PDE4D: variants seen among roughly 807,000 people sequenced by gnomAD.
PDE4D encodes the protein phosphodiesterase 4D.
A neutral mutation model predicts 87.4 loss-of-function variants in PDE4D; 24 were observed. The observed-to-expected ratio is 0.27, with a 90% CI of 0.20 to 0.39. PDE4D has a LOEUF of 0.39. PDE4D is among the 10% of genes least tolerant of loss of function. The pLI is 1.00. For missense variants in PDE4D, 714 were observed against 1,041.0 expected, an observed-to-expected ratio of 0.69 and a Z score of 4.32; for synonymous variants, 384 against 383.2, an observed-to-expected ratio of 1.00 and a Z score of -0.02.
At chr5:59,363,987 A>G (rs1451043834) in intron 1 of PDE4D, among the ~76,000 whole-genome samples, 1 of 152,222 alleles carries the variant, frequency 6.6e-6, no homozygotes, top group Non-Finnish European at 1.5e-5. Context: ...TAGGAGAAAA[A>G]TCACAACACT....
intron 5 of PDE4D, among the ~76,000 whole-genome samples, chr5:59,169,028 T>C (rs1003220401): frequency 2.0e-5 from 3 of 152,190 alleles, no homozygotes; most frequent in Non-Finnish European, 4.4e-5. Context: ...AATATTAGTA[T>C]TAATAATATA....
chr5:59,914,571 CGT>C (rs35285881), intron 3 of PDE4D, among the ~76,000 whole-genome samples: 26,128 of 130,046 alleles, frequency 0.2, 2,957 homozygotes, highest in African/African-American at 0.38. Flanking sequence ...TGTGCATGTG[CGT>C]GTGTGTGTGT....
At chr5:59,721,998 G>T (rs192864253) in intron 1 of PDE4D, among the ~76,000 whole-genome samples, 1 of 152,142 alleles carries the variant, frequency 6.6e-6, no homozygotes, top group African/African-American at 2.4e-5. Context: ...TAGTGAGGGG[G>T]TGTGCATCTT....
intron 1 of PDE4D, among the ~76,000 whole-genome samples, chr5:60,383,420 C>A (rs1583587646): frequency 6.6e-6 from 1 of 152,264 alleles, no homozygotes; most frequent in South Asian, 2.1e-4. Context: ...AAATGCCTTC[C>A]ATTTCTCCTT....
chr5:60,495,024 C>G (rs1055461753), intron 1 of PDE4D, among the ~76,000 whole-genome samples: 3 of 152,170 alleles, frequency 2.0e-5, no homozygotes, highest in African/African-American at 7.2e-5. Context: ...CCTCCATGGC[C>G]CCTGTGTCTT....
intron 1 of PDE4D, among the ~76,000 whole-genome samples, chr5:59,803,792 G>T (rs1249671271): frequency 6.6e-6 from 1 of 152,168 alleles, no homozygotes; most frequent in African/African-American, 2.4e-5. Flanking sequence ...CACAGACAAG[G>T]TCACGTGGGC....
At chr5:59,175,250 T>C (rs1783634101) in intron 5 of PDE4D, among the ~76,000 whole-genome samples, 1 of 152,124 alleles carries the variant, frequency 6.6e-6, no homozygotes, top group Non-Finnish European at 1.5e-5. Flanking sequence ...CTCTAAATGA[T>C]AAAAGGATTA....
chr5:59,851,129 G>T (rs1744608230), intron 1 of PDE4D, among the ~76,000 whole-genome samples: 1 of 151,986 alleles, frequency 6.6e-6, no homozygotes, highest in Non-Finnish European at 1.5e-5. Context: ...CACTCATGCA[G>T]CCTGGAGAGC....
At chr5:59,413,789 G>T (rs1181464506) in intron 1 of PDE4D, among the ~76,000 whole-genome samples, 1 of 152,150 alleles carries the variant, frequency 6.6e-6, no homozygotes, top group Non-Finnish European at 1.5e-5. Context: ...TTCAAGTCTA[G>T]AGTCTTCATA....
chr5:59,576,145 G>A (rs1188898819), intron 1 of PDE4D, among the ~76,000 whole-genome samples: 1 of 152,088 alleles, frequency 6.6e-6, no homozygotes, highest in African/African-American at 2.4e-5. Flanking sequence ...CTGAGTGACA[G>A]GTGTTCTAAG....
In PDE4D at chr5:60,392,302, A is replaced by T. The variant is rs1583611424; in HGVS notation, c.-90+95640T>A. Among the ~76,000 whole-genome samples, 3 of 152,348 alleles carry T rather than the reference A, an allele frequency of 2.0e-5. No individual in the cohort carries two copies. In the South Asian group the frequency reaches 6.2e-4, roughly 32 times the overall value. On this transcript the variant is annotated intron_variant, in intron 1 of 16. Coordinates refer to the PDE4D transcript ENST00000502484. ...CAATGTCACACTCAGTCCAAGTCCT[A>T]TAATACCATTACATGATTTACTGAT...
At chr5:59,019,350 T>C (rs966112439) in intron 6 of PDE4D, among the ~76,000 whole-genome samples, 1 of 152,208 alleles carries the variant, frequency 6.6e-6, no homozygotes, top group Non-Finnish European at 1.5e-5. Context: ...CCACCAGATA[T>C]AACCTTCTAA....
At chr5:59,008,457 T>C (rs1206495909) in intron 6 of PDE4D, among the ~76,000 whole-genome samples, 1 of 152,040 alleles carries the variant, frequency 6.6e-6, no homozygotes, top group East Asian at 1.9e-4. Context: ...CTTAAAATAA[T>C]TTTAAGTAAT....
At chr5:60,185,689 TGAAAA>T (rs1784721262) in intron 1 of PDE4D, 1 of 748,980 alleles carries the variant, frequency 1.3e-6, no homozygotes. Flanking sequence ...ACTGGAATGC[TGAAAA>T]GAAAAGGAAG....
At chr5:60,153,111 T>C (rs1385310592) in intron 2 of PDE4D, among the ~76,000 whole-genome samples, 5 of 152,160 alleles carry the variant, frequency 3.3e-5, no homozygotes, top group Non-Finnish European at 7.3e-5. Flanking sequence ...GGAGAAAGTA[T>C]TTGCAAACCA....
At chr5:59,698,787 G>T (rs918093204) in intron 1 of PDE4D, among the ~76,000 whole-genome samples, 2 of 152,136 alleles carry the variant, frequency 1.3e-5, no homozygotes, top group Non-Finnish European at 2.9e-5. Context: ...AAGTCAATAT[G>T]CATTTGATTC....
intron 2 of PDE4D, among the ~76,000 whole-genome samples, chr5:60,177,703 T>C (rs1038554696): frequency 2.6e-5 from 4 of 152,204 alleles, no homozygotes; most frequent in Non-Finnish European, 5.9e-5. Context: ...GTACACAATC[T>C]TGAAAATACA....
intron 2 of PDE4D, among the ~76,000 whole-genome samples, chr5:60,027,237 C>G (rs1184690653): frequency 2.0e-5 from 3 of 152,138 alleles, no homozygotes; most frequent in Non-Finnish European, 4.4e-5. Flanking sequence ...TCCCTCTTCC[C>G]TCTTGGAGTC....
At chr5:59,248,044 A>ACC (rs1759221652) in intron 1 of PDE4D, among the ~76,000 whole-genome samples, 1 of 80,548 alleles carries the variant, frequency 1.2e-5, no homozygotes, top group Non-Finnish European at 2.5e-5. Context: ...TCTATTAGTA[A>ACC]AAAAAAAAAA....
Sources: gnomAD v4.1 joint callset for allele counts (sites outside exome capture counted in the v4.1 genomes callset) on GRCh38, gnomAD v4.1.1 for gene constraint, MANE v1.5 for transcripts, NCBI Gene and HGNC (gene_info 2026-07-23, HGNC 2026-07-21) for gene names.